The following LRRC4C variants were observed in gnomAD, a reference collection of about 807,000 sequenced individuals.
LRRC4C encodes the protein leucine rich repeat containing 4C, also known as leucine-rich repeat-containing protein 4C.
In LRRC4C, 5 loss-of-function variants were observed where a neutral mutation model predicts 33.6. That is an observed-to-expected ratio of 0.15 (90% CI 0.08 to 0.31). The LOEUF is 0.31. LRRC4C is among the 10% of genes least tolerant of loss of function. LRRC4C has a pLI of 1.00. For synonymous variants in LRRC4C, 329 were observed against 302.0 expected, an observed-to-expected ratio of 1.09 and a Z score of -0.93; for missense variants, 560 against 796.7, an observed-to-expected ratio of 0.70 and a Z score of 3.58.
At chr11:40,422,418 G>C (rs977688728) in intron 3 of LRRC4C, among the ~76,000 whole-genome samples, 1 of 151,756 alleles carries the variant, frequency 6.6e-6, no homozygotes, top group African/African-American at 2.4e-5. Context: ...TTCTGATCCT[G>C]GAAGAAAAAT....
At chr11:40,428,134 A>C (rs911569568) in intron 3 of LRRC4C, among the ~76,000 whole-genome samples, 3 of 152,004 alleles carry the variant, frequency 2.0e-5, no homozygotes, top group African/African-American at 7.3e-5. Context: ...GTCTGTACCC[A>C]GGAATAAAAT....
chr11:40,423,576 C>T (rs1282460098), intron 3 of LRRC4C, among the ~76,000 whole-genome samples: 1 of 151,832 alleles, frequency 6.6e-6, no homozygotes, highest in Non-Finnish European at 1.5e-5. Context: ...GATCTCCTGA[C>T]CTCGTGATCC....
At chr11:40,785,344 A>C (rs2137316191) in intron 2 of LRRC4C, among the ~76,000 whole-genome samples, 1 of 152,260 alleles carries the variant, frequency 6.6e-6, no homozygotes, top group African/African-American at 2.4e-5. Context: ...ACTTGCAAAA[A>C]AATTTATTTT....
At chr11:41,119,101 G>T (rs1304182310) in intron 1 of LRRC4C, among the ~76,000 whole-genome samples, 1 of 121,292 alleles carries the variant, frequency 8.2e-6, no homozygotes, top group African/African-American at 2.6e-5. Context: ...CTTCCCTCTT[G>T]ATTTTCTGTA....
chr11:41,414,466 T>C (rs1396146983), intron 1 of LRRC4C, among the ~76,000 whole-genome samples: 1 of 152,162 alleles, frequency 6.6e-6, no homozygotes, highest in Non-Finnish European at 1.5e-5. Flanking sequence ...CAACAACTTG[T>C]GATTCTCTCT....
intron 1 of LRRC4C, among the ~76,000 whole-genome samples, chr11:41,433,089 G>A (rs10768685): frequency 0.68 from 103,346 of 151,966 alleles, 36,162 homozygotes; most frequent in African/African-American, 0.83. Context: ...ATGACCCCAA[G>A]TAATAGCCCA....
At chr11:41,225,237 C>T (rs1178749988) in intron 1 of LRRC4C, among the ~76,000 whole-genome samples, 1 of 151,942 alleles carries the variant, frequency 6.6e-6, no homozygotes. Context: ...GATAGCACAA[C>T]AGGGTGACTA....
intron 3 of LRRC4C, among the ~76,000 whole-genome samples, chr11:40,520,239 G>A (rs985343125): frequency 3.9e-5 from 6 of 152,226 alleles, no homozygotes; most frequent in African/African-American, 1.4e-4. Context: ...ACTCACTGGA[G>A]TAGCACTTTT....
chr11:41,283,796 G>A (rs929734033), intron 1 of LRRC4C, among the ~76,000 whole-genome samples: 1 of 152,142 alleles, frequency 6.6e-6, no homozygotes, highest in Non-Finnish European at 1.5e-5. Context: ...CCGGAACTAG[G>A]CTGACTAGTA....
intron 3 of LRRC4C, among the ~76,000 whole-genome samples, chr11:40,498,553 T>C (rs1264673663): frequency 6.6e-6 from 1 of 152,224 alleles, no homozygotes; most frequent in African/African-American, 2.4e-5. Flanking sequence ...TACAATCCTA[T>C]GCATCTTAGG....
At chr11:41,115,216 G>T (rs1726206300) in intron 1 of LRRC4C, among the ~76,000 whole-genome samples, 1 of 151,998 alleles carries the variant, frequency 6.6e-6, no homozygotes, top group African/African-American at 2.4e-5. Context: ...TAAAGGAAAA[G>T]CAGGACCTTC....
At chr11:41,230,899 A>T (rs1947757377) in intron 1 of LRRC4C, among the ~76,000 whole-genome samples, 1 of 131,446 alleles carries the variant, frequency 7.6e-6, no homozygotes, top group Non-Finnish European at 1.7e-5. Flanking sequence ...GAACTCAAAC[A>T]AATTTACAAA....
At chr11:40,891,062 T>G (rs914152855) in intron 2 of LRRC4C, among the ~76,000 whole-genome samples, 3 of 151,966 alleles carry the variant, frequency 2.0e-5, no homozygotes, top group African/African-American at 7.3e-5. Context: ...GGCCAATGTC[T>G]CTACTAAAAA....
At chr11:41,042,379 T>G (rs1358596678) in intron 1 of LRRC4C, among the ~76,000 whole-genome samples, 1 of 152,184 alleles carries the variant, frequency 6.6e-6, no homozygotes, top group Non-Finnish European at 1.5e-5. Flanking sequence ...TTTACAGGCA[T>G]CTAACTTTAT....
intron 3 of LRRC4C, among the ~76,000 whole-genome samples, chr11:40,615,236 TTTTA>T (rs1961652317): frequency 2.3e-5 from 1 of 44,270 alleles, no homozygotes; most frequent in African/African-American, 1.1e-4. Flanking sequence ...CATTGATTTA[TTTTA>T]TATATATATA....
At chr11:41,062,777 A>G (rs763021201) in intron 1 of LRRC4C, among the ~76,000 whole-genome samples, 10 of 152,344 alleles carry the variant, frequency 6.6e-5, no homozygotes, top group African/African-American at 2.2e-4. Flanking sequence ...CTAGGCCATC[A>G]TCCAGTGACT....
At chr11:40,315,400 AT>A (rs746898261) in intron 4 of LRRC4C, among the ~76,000 whole-genome samples, 31 of 151,868 alleles carry the variant, frequency 2.0e-4, no homozygotes, top group Non-Finnish European at 4.1e-4. Context: ...AAACAAGGAA[AT>A]ATTACCCTCA....
chr11:40,234,664 A>G (rs2136039551), intron 5 of LRRC4C, among the ~76,000 whole-genome samples: 1 of 152,298 alleles, frequency 6.6e-6, no homozygotes, highest in East Asian at 1.9e-4. Context: ...CCAGCTAGTT[A>G]GGAGGCTGAG....
At chr11:40,840,717 A>G (rs7120932) in intron 2 of LRRC4C, among the ~76,000 whole-genome samples, 6,451 of 152,294 alleles carry the variant, frequency 0.042, 288 homozygotes, top group African/African-American at 0.11. Flanking sequence ...TTTGACTTTA[A>G]GAAAAAAGAT....
Sources: gnomAD v4.1 joint callset for allele counts (sites outside exome capture counted in the v4.1 genomes callset) on GRCh38, gnomAD v4.1.1 for gene constraint, MANE v1.5 for transcripts, NCBI Gene and HGNC (gene_info 2026-07-23, HGNC 2026-07-21) for gene names.